NRXN3: variants seen among roughly 807,000 people sequenced by gnomAD.
The protein encoded by NRXN3 is neurexin 3.
NRXN3 carries 32 observed loss-of-function variants against 137.6 expected under a neutral mutation model. That is an observed-to-expected ratio of 0.23 (90% CI 0.18 to 0.31). The LOEUF is 0.31. NRXN3 is among the 10% of genes least tolerant of loss of function. NRXN3 has a pLI of 1.00. For synonymous variants in NRXN3, 798 were observed against 784.5 expected (o/e 1.02, Z -0.29); for missense variants, 1,574 against 2,062.5 (o/e 0.76, Z 4.59).
intron 15 of NRXN3, among the ~76,000 whole-genome samples, chr14:79,402,163 T>G (rs2095217856): frequency 6.6e-6 from 1 of 152,168 alleles, no homozygotes; most frequent in African/African-American, 2.4e-5. Flanking sequence ...TAGAACTCCC[T>G]GGGCTCAAGT....
chr14:78,963,903 C>T (rs892413087), intron 11 of NRXN3, among the ~76,000 whole-genome samples: 15 of 152,054 alleles, frequency 9.9e-5, no homozygotes, highest in Non-Finnish European at 2.1e-4. Context: ...ATAGTTAGCA[C>T]TATAGGTACA....
intron 17 of NRXN3, among the ~76,000 whole-genome samples, chr14:79,665,377 C>T (rs1452434755): frequency 6.6e-6 from 1 of 152,130 alleles, no homozygotes; most frequent in African/African-American, 2.4e-5. Flanking sequence ...ATGAGGTTAT[C>T]TTTGAGTATT....
intron 19 of NRXN3, among the ~76,000 whole-genome samples, chr14:79,741,801 T>TAC (rs34107894): frequency 0.33 from 48,410 of 146,712 alleles, 8,174 homozygotes; most frequent in Middle Eastern, 0.46. Context: ...GTGTATACAT[T>TAC]ACACACACAC....
intron 16 of NRXN3, among the ~76,000 whole-genome samples, chr14:79,656,866 T>C (rs540632339): frequency 2.0e-5 from 3 of 152,032 alleles, no homozygotes; most frequent in Non-Finnish European, 4.4e-5. Flanking sequence ...AAAGGAGAAA[T>C]AGTTTTCAAG....
At chr14:79,767,954 A>T (rs918326483) in intron 19 of NRXN3, among the ~76,000 whole-genome samples, 2 of 152,198 alleles carry the variant, frequency 1.3e-5, no homozygotes, top group African/African-American at 4.8e-5. Flanking sequence ...GAATTGCCTC[A>T]CTCGGGAAGC....
At chr14:78,443,717 A>G (rs1313742890) in intron 4 of NRXN3, among the ~76,000 whole-genome samples, 5 of 152,188 alleles carry the variant, frequency 3.3e-5, no homozygotes, top group Non-Finnish European at 7.3e-5. Context: ...AAATGGGTAA[A>G]TAATAAATAC....
chr14:79,160,339 C>G (rs983608563), intron 15 of NRXN3, among the ~76,000 whole-genome samples: 1 of 151,950 alleles, frequency 6.6e-6, no homozygotes, highest in African/African-American at 2.4e-5. Context: ...CTCCCACTCC[C>G]CAGCTTTTAA....
chr14:78,278,536 T>C, intron 2 of NRXN3, 109 bp from the exon 3 acceptor site: 3 of 878,388 alleles, frequency 3.4e-6, no homozygotes, highest in Non-Finnish European at 5.5e-6. Context: ...TTGATAGTCA[T>C]GCAAGAGCAC....
chr14:79,516,726 A>G (rs1324803407), intron 16 of NRXN3, among the ~76,000 whole-genome samples: 1 of 152,190 alleles, frequency 6.6e-6, no homozygotes, highest in Non-Finnish European at 1.5e-5. Flanking sequence ...TCATATTCTC[A>G]TAGTCCCACC....
At chr14:79,296,245 GT>G (rs2084088548) in intron 15 of NRXN3, among the ~76,000 whole-genome samples, 1 of 152,094 alleles carries the variant, frequency 6.6e-6, no homozygotes, top group Admixed American at 6.6e-5. Flanking sequence ...GGCTGAAAAG[GT>G]AAGAACATAC....
At chr14:79,369,588 A>C (rs1476122309) in intron 15 of NRXN3, among the ~76,000 whole-genome samples, 1 of 152,180 alleles carries the variant, frequency 6.6e-6, no homozygotes, top group Non-Finnish European at 1.5e-5. Context: ...TCCCACTTAC[A>C]TCCTGTAGCG....
intron 16 of NRXN3, among the ~76,000 whole-genome samples, chr14:79,533,682 G>C (rs1447605221): frequency 6.6e-6 from 1 of 152,098 alleles, no homozygotes; most frequent in Non-Finnish European, 1.5e-5. Context: ...ATTGTCTGGG[G>C]TAAGGTTCAA....
intron 15 of NRXN3, among the ~76,000 whole-genome samples, chr14:79,212,916 G>A (rs1051723025): frequency 2.6e-5 from 4 of 151,880 alleles, no homozygotes; most frequent in African/African-American, 4.8e-5. Flanking sequence ...TGTAGAACAC[G>A]CTTTGGAGAG....
chr14:79,696,739 C>T (rs532373241), intron 18 of NRXN3, among the ~76,000 whole-genome samples: 1 of 151,954 alleles, frequency 6.6e-6, no homozygotes, highest in Admixed American at 6.6e-5. Flanking sequence ...AGTGGGAACT[C>T]GAAATAAAGT....
intron 19 of NRXN3, among the ~76,000 whole-genome samples, chr14:79,769,314 A>G (rs1195861031): frequency 1.3e-5 from 2 of 151,388 alleles, no homozygotes; most frequent in African/African-American, 2.4e-5. Flanking sequence ...TCCAAGACAC[A>G]TAATTGTCAG....
Position 78,589,309 on chromosome 14 carries a change from A to G in NRXN3, c.758-55811A>G, listed in dbSNP as rs540029987. Among the ~76,000 whole-genome samples the G allele has an allele frequency of 1.5e-4, 23 of 152,266 alleles. No homozygotes were observed. In the South Asian group the frequency reaches 4.2e-3, roughly 28 times the overall value. On this transcript the variant is annotated intron_variant, in intron 4 of 20. Transcript: ENST00000335750. ...CAGGCTGCTGCCTTTGGCTGAGTCT[A>G]TCTGGGGGCCTTCTCTCTGCAGGAG...
intron 16 of NRXN3, among the ~76,000 whole-genome samples, chr14:79,467,914 T>C (rs919713745): frequency 2.0e-5 from 3 of 152,208 alleles, no homozygotes; most frequent in Non-Finnish European, 4.4e-5. Flanking sequence ...TTGAAATGCA[T>C]GAGACTGTAT....
chr14:79,217,522 A>G (rs1295592429), intron 15 of NRXN3, among the ~76,000 whole-genome samples: 2 of 152,220 alleles, frequency 1.3e-5, no homozygotes, highest in African/African-American at 4.8e-5. Flanking sequence ...ACCATATCAA[A>G]TATCATAGAA....
chr14:78,481,923 C>T lies in NRXN3; in HGVS notation c.758-163197C>T, dbSNP rs183857033. 7.9e-5 allele frequency among the ~76,000 whole-genome samples: 12 copies of T among 152,078 alleles called. No individual in the cohort carries two copies. In the East Asian group the frequency reaches 2.2e-3, roughly 27 times the overall value. On this transcript the variant is annotated intron_variant, in intron 4 of 20. Transcript: ENST00000335750. The stretch of plus-strand genomic sequence containing the variant: ...CCCCTTATTTTTTAGGGTATCTCCC[C>T]ATCTTTTTGCCCCAAGAGCCTGAAT...
Sources: allele counts gnomAD v4.1 joint callset (sites outside exome capture counted in the v4.1 genomes callset), GRCh38; gene constraint gnomAD v4.1.1; transcripts MANE v1.5; gene names NCBI Gene and HGNC (gene_info 2026-07-23, HGNC 2026-07-21).